Variants in SOD2 observed in about 807,000 individuals in gnomAD.
SOD2 encodes superoxide dismutase [Mn], mitochondrial.
Under a neutral mutation model 27.0 loss-of-function variants are expected in SOD2, and 11 were observed. The observed-to-expected ratio is 0.41, with a 90% confidence interval of 0.26 to 0.67. The LOEUF (loss-of-function observed/expected upper bound fraction) is 0.67, where lower values mean the gene tolerates loss of function less well. SOD2 is among the 30% of genes least tolerant of loss of function. The pLI, the probability that SOD2 is intolerant of heterozygous loss-of-function variation, is 0.34. For synonymous variants in SOD2, 105 were observed against 103.0 expected, an observed-to-expected ratio of 1.02 and a Z score of -0.12; for missense variants, 250 against 274.5, an observed-to-expected ratio of 0.91 and a Z score of 0.63.
intron 1 of SOD2, chr6:159,713,917 A>G (rs2114829341): frequency 1.1e-6 from 1 of 915,248 alleles, no homozygotes; most frequent in Non-Finnish European, 1.7e-6. Flanking sequence ...TCACTTCATC[A>G]GCTGAGCAGG....
At chr6:159,762,060 C>G in exon 1 of SOD2, 4 of 1,611,696 alleles carry the variant, frequency 2.5e-6, no homozygotes, top group Non-Finnish European at 3.4e-6. Flanking sequence ...GCAGGCAGCG[C>G]AGGGCAGACG....
intron 1 of SOD2, among the ~76,000 whole-genome samples, chr6:159,700,882 T>C (rs897377704): frequency 6.6e-6 from 1 of 152,186 alleles, no homozygotes; most frequent in Non-Finnish European, 1.5e-5. Context: ...AGGTTCAGTC[T>C]AAGCTTTCCA....
intron 1 of SOD2, chr6:159,742,106 A>G (rs777913490): frequency 2.5e-6 from 4 of 1,606,612 alleles, no homozygotes; most frequent in South Asian, 1.1e-5. Context: ...AATATGAAGC[A>G]TATGTACAAG....
intron 1 of SOD2, chr6:159,755,682 T>C (rs1779976138): frequency 7.4e-7 from 1 of 1,352,848 alleles, no homozygotes; most frequent in African/African-American, 1.5e-5. Flanking sequence ...AATTAATGCA[T>C]ACTTTTGTCA....
upstream of SOD2, among the ~76,000 whole-genome samples, chr6:159,745,644 A>G (rs61327158): frequency 0.043 from 6,539 of 152,208 alleles, 234 homozygotes; most frequent in African/African-American, 0.082. Context: ...AATCTTGGGT[A>G]TTCTAGAAGA....
chr6:159,677,010 C>T lies in SOD2; in HGVS notation c.*5483G>A, dbSNP rs1451889699. The T allele has an allele frequency of 6.6e-6, 1 of 152,202 alleles. No individual in the cohort carries two copies. Among genetic ancestry groups the T allele is most frequent in the Non-Finnish European group, 1.5e-5 (1 of 68,040 alleles). 9.4% of individuals were successfully genotyped at this position (152,202 alleles called of 1,614,324 possible). A position where few individuals can be genotyped will look rare whatever the true frequency, so the allele number is the denominator to read the frequency against. On this transcript the variant is annotated 3_prime_UTR_variant, in exon 5 of 5. Coordinates refer to ENST00000538183, the MANE Select transcript of SOD2 (RefSeq NM_000636.4). ...GCTGTCAAACCTCTCTGTGGATATG[C>T]TGTGTTAACTTCTGAGCCTTGGGGA...
chr6:159,690,049 T>C (rs2758337), intron 2 of SOD2, among the ~76,000 whole-genome samples: 116,123 of 151,034 alleles, frequency 0.77, 45,014 homozygotes, highest in South Asian at 0.85. Context: ...TTTGGGAGGC[T>C]GAGATGGGCG....
intron 1 of SOD2, among the ~76,000 whole-genome samples, chr6:159,739,402 ACCTTCACCAGCT>A (rs1779107984): frequency 6.6e-6 from 1 of 152,220 alleles, no homozygotes; most frequent in Non-Finnish European, 1.5e-5. Context: ...TATTAGTGTG[ACCTTCACCAGCT>A]CATATAACTT....
chr6:159,684,530 T>C (rs1026081574), intron 4 of SOD2, among the ~76,000 whole-genome samples: 2 of 152,080 alleles, frequency 1.3e-5, no homozygotes, highest in African/African-American at 2.4e-5. Flanking sequence ...GGCAGGAGAA[T>C]CACTTGAACC....
chr6:159,741,506 T>A (rs892605098), intron 1 of SOD2: 1 of 151,628 alleles, frequency 6.6e-6, no homozygotes, highest in Admixed American at 6.6e-5. Context: ...AGCAGTGGGA[T>A]TTTTTTTTCA....
chr6:159,753,386 A>G (rs918744809), intron 1 of SOD2: 2 of 1,599,194 alleles, frequency 1.3e-6, no homozygotes, highest in Admixed American at 1.7e-5. Flanking sequence ...TGTTACATCT[A>G]TCACTGTAAT....
chr6:159,713,187 T>A (rs1777862591), intron 1 of SOD2: 1 of 1,237,524 alleles, frequency 8.1e-7, no homozygotes, highest in Non-Finnish European at 1.1e-6. Flanking sequence ...TGATCAGACA[T>A]TCCTGAAAAA....
At chr6:159,742,668 A>G (rs1779329740) in intron 1 of SOD2, among the ~76,000 whole-genome samples, 1 of 152,180 alleles carries the variant, frequency 6.6e-6, no homozygotes, top group Non-Finnish European at 1.5e-5. Flanking sequence ...TTGAGTATAA[A>G]AACCAATATA....
At chr6:159,754,989 T>C (rs778297971) in intron 1 of SOD2, 41 of 1,540,822 alleles carry the variant, frequency 2.7e-5, no homozygotes, top group Admixed American at 2.6e-4. Context: ...TTCAATGTTA[T>C]AAACGATATT....
At chr6:159,721,674 CCTT>C (rs1269435666) in intron 1 of SOD2, among the ~76,000 whole-genome samples, 1 of 113,540 alleles carries the variant, frequency 8.8e-6, no homozygotes, top group Admixed American at 1.1e-4. Context: ...CTGCGGCTGA[CCTT>C]TTTTTTTTTT....
chr6:159,752,237 C>T (rs1376098278), intron 1 of SOD2, among the ~76,000 whole-genome samples: 1 of 152,084 alleles, frequency 6.6e-6, no homozygotes, highest in Non-Finnish European at 1.5e-5. Context: ...ATGTTTTAAC[C>T]CATAAGGTCA....
chr6:159,686,319 T>C (rs1472715931), intron 3 of SOD2, among the ~76,000 whole-genome samples: 1 of 152,096 alleles, frequency 6.6e-6, no homozygotes, highest in African/African-American at 2.4e-5. Flanking sequence ...ACTTCAAAAG[T>C]ATTAACCGAT....
At chr6:159,719,498 T>C (rs1425477446) in intron 1 of SOD2, among the ~76,000 whole-genome samples, 1 of 151,558 alleles carries the variant, frequency 6.6e-6, no homozygotes, top group Non-Finnish European at 1.5e-5. Flanking sequence ...AGGTGGCTTG[T>C]GCTTGTGGTC....
At chr6:159,760,787 G>A (rs183415312) in intron 1 of SOD2, 1 of 152,374 alleles carries the variant, frequency 6.6e-6, no homozygotes, top group East Asian at 1.9e-4. Flanking sequence ...CAGGGAGTAA[G>A]GGGAAAATGG....
Sources: allele counts gnomAD v4.1 joint callset (sites outside exome capture counted in the v4.1 genomes callset), GRCh38; gene constraint gnomAD v4.1.1; transcripts MANE v1.5; gene names NCBI Gene and HGNC (gene_info 2026-07-23, HGNC 2026-07-21).